Variants in TRIO observed in about 807,000 individuals in gnomAD.
TRIO encodes triple functional domain protein.
TRIO carries 58 observed loss-of-function variants against 351.9 expected under a neutral mutation model. The observed-to-expected ratio is 0.16, with a 90% CI of 0.13 to 0.21. TRIO has a LOEUF of 0.21. TRIO is among the 10% of genes least tolerant of loss of function. The probability of loss-of-function intolerance (pLI) is 1.00; values close to 1 mark genes in which losing one functional copy is unlikely to be tolerated. For synonymous variants in TRIO, 1,758 were observed against 1,595.7 expected (o/e 1.10, Z -2.42); for missense variants, 3,201 against 4,027.8 (o/e 0.79, Z 5.56).
At chr5:14,456,745 C>T (rs538889545) in intron 34 of TRIO, among the ~76,000 whole-genome samples, 2 of 152,310 alleles carry the variant, frequency 1.3e-5, no homozygotes, top group East Asian at 3.9e-4. Flanking sequence ...CCCAGTAACT[C>T]TGGAGACCTT....
chr5:14,468,560 A>C (rs193205552), intron 37 of TRIO, among the ~76,000 whole-genome samples: 5 of 152,366 alleles, frequency 3.3e-5, no homozygotes, highest in Admixed American at 6.5e-5. Flanking sequence ...CAAGAGAAGC[A>C]TCACCCTGTG....
intron 16 of TRIO, among the ~76,000 whole-genome samples, chr5:14,367,936 T>C (rs1185671037): frequency 6.6e-6 from 1 of 152,150 alleles, no homozygotes; most frequent in African/African-American, 2.4e-5. Context: ...TAGAATATAT[T>C]GTATATAGTG....
chr5:14,389,460 A>G, intron 25 of TRIO, 62 bp downstream of exon 25: 1 of 1,233,716 alleles, frequency 8.1e-7, no homozygotes, highest in South Asian at 1.4e-5. Flanking sequence ...GTTTCATCAC[A>G]AGAAATGAAC....
intron 4 of TRIO, among the ~76,000 whole-genome samples, chr5:14,288,720 T>C (rs1736661467): frequency 6.6e-6 from 1 of 151,926 alleles, no homozygotes; most frequent in African/African-American, 2.4e-5. Context: ...GGTAGGATTG[T>C]AGGCATAAGT....
At chr5:14,429,673 T>C (rs1269837211) in intron 34 of TRIO, among the ~76,000 whole-genome samples, 5 of 152,214 alleles carry the variant, frequency 3.3e-5, no homozygotes, top group African/African-American at 4.8e-5. Flanking sequence ...TTACAAGTTA[T>C]GTTTAGGTAT....
chr5:14,454,410 A>C (rs1189557550), intron 34 of TRIO, among the ~76,000 whole-genome samples: 3 of 152,224 alleles, frequency 2.0e-5, no homozygotes, highest in Non-Finnish European at 4.4e-5. Context: ...GCTTTGAATT[A>C]TCATCTTTGA....
Position 14,238,891 on chromosome 5 carries a change from T to A in TRIO, c.158-31934T>A, listed in dbSNP as rs141812701. On this transcript the variant is annotated intron_variant, in intron 1 of 56. Coordinates refer to ENST00000344204, the MANE Select transcript of TRIO (RefSeq NM_007118.4). ...CTTGTTAACTGTGCAGGTTAATTAATCCTTGCAAATCTCCATTTTCTCATG... is the reference window on the plus strand; with the variant it reads ...CTTGTTAACTGTGCAGGTTAATTAAACCTTGCAAATCTCCATTTTCTCATG... Among the ~76,000 whole-genome samples, 9 of 152,362 alleles carry A rather than the reference T, an allele frequency of 5.9e-5. No homozygotes were observed. The East Asian group carries it at 1.7e-3, about 29-fold the overall frequency.
chr5:14,441,030 G>A (rs1751993474), intron 34 of TRIO: 1 of 152,108 alleles, frequency 6.6e-6, no homozygotes, highest in African/African-American at 2.4e-5. Flanking sequence ...AGACGCCAGC[G>A]AGGGAGAGGC....
At chr5:14,219,485 G>C (rs1792454347) in intron 1 of TRIO, among the ~76,000 whole-genome samples, 1 of 152,198 alleles carries the variant, frequency 6.6e-6, no homozygotes, top group Admixed American at 6.5e-5. Flanking sequence ...CGCGTGTTTG[G>C]ATGGCTCTAT....
At chr5:14,430,860 C>T (rs2152397237) in intron 34 of TRIO, among the ~76,000 whole-genome samples, 1 of 152,168 alleles carries the variant, frequency 6.6e-6, no homozygotes, top group Admixed American at 6.5e-5. Flanking sequence ...GGACCTCAGG[C>T]ACCCGCCACC....
chr5:14,184,035 AG>A, intron 1 of TRIO: 4 of 691,354 alleles, frequency 5.8e-6, no homozygotes, highest in Non-Finnish European at 2.6e-6. Context: ...GGGTTTCTCT[AG>A]GAGGACTGTT....
At chr5:14,308,290 G>A (rs116068985) in intron 8 of TRIO, among the ~76,000 whole-genome samples, 2,204 of 139,408 alleles carry the variant, frequency 0.016, 17 homozygotes, top group Non-Finnish European at 0.025. Flanking sequence ...TCATCCACCC[G>A]ACCACCCATC....
At chr5:14,312,139 C>T (rs928961681) in intron 8 of TRIO, among the ~76,000 whole-genome samples, 6 of 152,124 alleles carry the variant, frequency 3.9e-5, no homozygotes, top group East Asian at 1.9e-4. Flanking sequence ...TTACAGGAAA[C>T]GTAGAGATCC....
chr5:14,420,076 GCT>G (rs1289447702), intron 34 of TRIO, 55 bp downstream of exon 34: 15 of 1,583,336 alleles, frequency 9.5e-6, no homozygotes, highest in Admixed American at 1.7e-5. Flanking sequence ...GCCCTGGAGC[GCT>G]CTGTCTCCGC....
chr5:14,359,478 A>G lies in TRIO; in HGVS notation c.2338A>G (p.Ile780Val). The G allele has an allele frequency of 1.2e-6, 2 of 1,614,260 alleles. No individual in the cohort carries two copies. The highest frequency in any genetic ancestry group is 1.7e-6 in the Non-Finnish European group (2 of 1,180,040). Residue 780 changes from isoleucine to valine, a missense_variant, in exon 13 of 57, where the codon ATC (isoleucine) becomes GTC (valine). Physicochemically the swap from Ile to Val is conservative, Grantham distance 29. This residue lies in a region of TRIO where 363 missense variants were observed against 553.5 expected (regional missense o/e 0.66). Coordinates refer to ENST00000344204, the MANE Select transcript of TRIO (RefSeq NM_007118.4). ...QMEELFQERK[I>V]KLELFLQLRI... ...GGAGGAGCTCTTCCAGGAGCGCAAG[A>G]TCAAGCTGGAGCTCTTCCTGCAGCT... is the stretch of plus-strand genomic sequence containing the variant.
At chr5:14,154,042 C>A (rs1787969769) in intron 1 of TRIO, among the ~76,000 whole-genome samples, 1 of 152,136 alleles carries the variant, frequency 6.6e-6, no homozygotes, top group Non-Finnish European at 1.5e-5. Flanking sequence ...ACGTAAATAA[C>A]CCTAGCAGTC....
chr5:14,386,423 A>C (rs1746548901), intron 21 of TRIO, among the ~76,000 whole-genome samples: 1 of 152,120 alleles, frequency 6.6e-6, no homozygotes, highest in Admixed American at 6.5e-5. Context: ...TATGGCTTAG[A>C]ACTTTGATTT....
chr5:14,399,019 A>G lies in TRIO; in HGVS notation c.4563A>G (p.Glu1521=), dbSNP rs762557136. Residue 1521 remains glutamate, a synonymous_variant, in exon 30 of 57, where the codon GAA becomes GAG. Transcript: ENST00000344204. ...AAATGTCCTTAGTATTTAGTAAAGA[A>G]GTGAAAGATTCCAGTGGGAGAAGCA... ...LFEMSLVFSK[E]VKDSSGRSKY... 1.2e-6 allele frequency: 2 copies of G among 1,614,186 alleles called. No homozygotes were observed. Among genetic ancestry groups the G allele is most frequent in the Non-Finnish European group, 1.7e-6 (2 of 1,180,024 alleles).
intron 1 of TRIO, among the ~76,000 whole-genome samples, chr5:14,211,416 A>G (rs1285821664): frequency 6.6e-6 from 1 of 152,250 alleles, no homozygotes; most frequent in African/African-American, 2.4e-5. Context: ...GGACTGACAT[A>G]AGCAGTCATT....
Sources: gnomAD v4.1 joint callset for allele counts (sites outside exome capture counted in the v4.1 genomes callset) on GRCh38, gnomAD v4.1.1 for gene constraint, gnomAD v4.1.1 regional missense constraint, MANE v1.5 for transcripts, NCBI Gene and HGNC (gene_info 2026-07-23, HGNC 2026-07-21) for gene names.